Variants in SCD5 observed in about 807,000 individuals in gnomAD.
The protein encoded by SCD5 is stearoyl-CoA desaturase 5, also known as acyl-CoA-desaturase 4.
In SCD5, 20 loss-of-function variants were observed where a neutral mutation model predicts 30.4. The observed-to-expected ratio is 0.66, with a 90% CI of 0.46 to 0.96. SCD5 has a LOEUF of 0.96. Ranked by LOEUF, SCD5 falls within the 40% of genes least tolerant of loss-of-function variation. SCD5 has a pLI of 0.00. For missense variants in SCD5, 381 were observed against 443.3 expected, an observed-to-expected ratio of 0.86 and a Z score of 1.26; for synonymous variants, 173 against 176.4, an observed-to-expected ratio of 0.98 and a Z score of 0.16.
At chr4:82,739,689 A>G (rs17354029) in intron 1 of SCD5, among the ~76,000 whole-genome samples, 16,789 of 152,308 alleles carry the variant, frequency 0.11, 1,045 homozygotes, top group Non-Finnish European at 0.15. Context: ...GAAGAGGACA[A>G]GAGGATTACA....
intron 1 of SCD5, among the ~76,000 whole-genome samples, chr4:82,737,347 T>A (rs1192891812): frequency 6.6e-6 from 1 of 152,214 alleles, no homozygotes; most frequent in African/African-American, 2.4e-5. Flanking sequence ...GCAGTAGAAA[T>A]AGTATTGCAC....
chr4:82,653,970 T>A (rs190718562), intron 3 of SCD5, among the ~76,000 whole-genome samples: 20 of 151,328 alleles, frequency 1.3e-4, no homozygotes, highest in African/African-American at 4.9e-4. Context: ...CAGGCTGGAG[T>A]GCAATGGCAC....
At chr4:82,745,665 C>A (rs980686306) in intron 1 of SCD5, among the ~76,000 whole-genome samples, 1 of 152,278 alleles carries the variant, frequency 6.6e-6, no homozygotes, top group Admixed American at 6.5e-5. Flanking sequence ...TCCTCCCACC[C>A]CTGCCCAATG....
chr4:82,671,439 C>T (rs961183542), intron 3 of SCD5, among the ~76,000 whole-genome samples: 1 of 152,138 alleles, frequency 6.6e-6, no homozygotes, highest in African/African-American at 2.4e-5. Context: ...GCAGAATATG[C>T]ATTCTTCTCA....
At chr4:82,729,875 C>T (rs1720589603) in intron 1 of SCD5, among the ~76,000 whole-genome samples, 1 of 152,182 alleles carries the variant, frequency 6.6e-6, no homozygotes, top group African/African-American at 2.4e-5. Context: ...GTCTATACAA[C>T]CAACCTTCCC....
chr4:82,770,821 A>G (rs1176436623), intron 1 of SCD5, among the ~76,000 whole-genome samples: 1 of 152,248 alleles, frequency 6.6e-6, no homozygotes, highest in African/African-American at 2.4e-5. Context: ...CCATGAGCCA[A>G]TGGTGGACAG....
chr4:82,715,043 C>T lies in SCD5; in HGVS notation c.233-9630G>A, dbSNP rs370256954. 1.4e-4 allele frequency among the ~76,000 whole-genome samples: 21 copies of T among 151,392 alleles called. 2 individuals carry two copies. Among genetic ancestry groups the T allele is most frequent in the Admixed American group, 3.3e-4 (5 of 15,230 alleles). On this transcript the variant is annotated intron_variant, in intron 1 of 4. Transcript: ENST00000319540. ...CTTGAGGTCAGGAGTTCGAGACCAG[C>T]CTGGCCAACATGATGAAACCCCGCC...
chr4:82,664,999 C>CTCTCTATATATATATATATATA (rs1219554314), intron 3 of SCD5, among the ~76,000 whole-genome samples: 1 of 70,486 alleles, frequency 1.4e-5, no homozygotes, highest in African/African-American at 7.5e-5. Flanking sequence ...CTCTCTCTCT[C>CTCTCTATATATATATATATATA]TATATATATA....
chr4:82,784,415 C>T (rs1161389365), intron 1 of SCD5, among the ~76,000 whole-genome samples: 1 of 152,178 alleles, frequency 6.6e-6, no homozygotes, highest in Non-Finnish European at 1.5e-5. Flanking sequence ...ATATTCCCAA[C>T]CCCTAACACC....
chr4:82,767,299 C>T (rs1721513714), intron 1 of SCD5, among the ~76,000 whole-genome samples: 1 of 152,094 alleles, frequency 6.6e-6, no homozygotes, highest in African/African-American at 2.4e-5. Flanking sequence ...CTCTTCTCCA[C>T]CTCTCTCTGC....
intron 1 of SCD5, among the ~76,000 whole-genome samples, chr4:82,725,211 T>C (rs542173866): frequency 6.6e-6 from 1 of 152,196 alleles, no homozygotes; most frequent in Non-Finnish European, 1.5e-5. Flanking sequence ...AATAAACCTT[T>C]CCAGCTGATG....
intron 1 of SCD5, among the ~76,000 whole-genome samples, chr4:82,785,333 A>G (rs921686884): frequency 2.0e-5 from 3 of 152,230 alleles, no homozygotes; most frequent in Non-Finnish European, 4.4e-5. Flanking sequence ...AAGGAAAAGC[A>G]AAGGATGACC....
intron 1 of SCD5, among the ~76,000 whole-genome samples, chr4:82,720,441 T>TAAAAAAAAAAAAAAAAAAAAAAAAAA (rs1553917690): frequency 2.6e-5 from 2 of 77,938 alleles, no homozygotes; most frequent in African/African-American, 5.3e-5. Context: ...AAGGCAAAAA[T>TAAAAAAAAAAAAAAAAAAAAAAAAAA]AAAAAAAAAA....
At chr4:82,726,054 T>C (rs1259055269) in intron 1 of SCD5, among the ~76,000 whole-genome samples, 1 of 152,104 alleles carries the variant, frequency 6.6e-6, no homozygotes, top group Non-Finnish European at 1.5e-5. Context: ...AGTGGAGACT[T>C]CATCCTTCCA....
Position 82,680,706 on chromosome 4 carries a change from C to T in SCD5, c.569+1G>A. 4 of 1,614,152 alleles carry T rather than the reference C, an allele frequency of 2.5e-6. No individual in the cohort carries two copies. The highest frequency in any genetic ancestry group is 3.4e-6 in the Non-Finnish European group (4 of 1,180,014). On this transcript the variant is annotated splice_donor_variant, in intron 3 of 4. Coordinates refer to ENST00000319540, the MANE Select transcript of SCD5 (RefSeq NM_001037582.3). LOFTEE classifies it high-confidence loss of function. ...GCTCTCCGTCATGCCCATTCACTTA[C>T]TTTCTCTGGATCCGGACCACAGGAT...
chr4:82,713,212 C>G (rs745414836), intron 1 of SCD5, among the ~76,000 whole-genome samples: 1 of 152,152 alleles, frequency 6.6e-6, no homozygotes, highest in Non-Finnish European at 1.5e-5. Context: ...ACATTTCATG[C>G]CTTTTATACA....
chr4:82,752,697 C>T (rs1314987334), intron 1 of SCD5, among the ~76,000 whole-genome samples: 1 of 152,128 alleles, frequency 6.6e-6, no homozygotes, highest in African/African-American at 2.4e-5. Context: ...TGCATGGAAT[C>T]CTCGCCCTGT....
At chr4:82,693,513 T>C (rs1266385609) in intron 2 of SCD5, among the ~76,000 whole-genome samples, 1 of 152,114 alleles carries the variant, frequency 6.6e-6, no homozygotes, top group African/African-American at 2.4e-5. Flanking sequence ...CCCCTCTCTA[T>C]TGTAGCCAGA....
intron 3 of SCD5, among the ~76,000 whole-genome samples, chr4:82,653,476 C>T (rs768638386): frequency 2.0e-4 from 31 of 152,260 alleles, no homozygotes; most frequent in Non-Finnish European, 3.8e-4. Context: ...GAAATCCCCT[C>T]ACTACCACCT....
Sources: allele counts gnomAD v4.1 joint callset (sites outside exome capture counted in the v4.1 genomes callset), GRCh38; gene constraint gnomAD v4.1.1; transcripts MANE v1.5; gene names NCBI Gene and HGNC (gene_info 2026-07-23, HGNC 2026-07-21).